The following PDCD11 variants were observed in gnomAD, a reference collection of about 807,000 sequenced individuals.
PDCD11 encodes protein RRP5 homolog.
In PDCD11, 97 loss-of-function variants were observed where a neutral mutation model predicts 198.9. That is an observed-to-expected ratio of 0.49 (90% confidence interval 0.41 to 0.58). The LOEUF is 0.58. Among genes scored for constraint, PDCD11 ranks in the 20% least tolerant of loss-of-function variants. PDCD11 has a pLI of 0.00. For synonymous variants in PDCD11, 893 were observed against 918.0 expected, an observed-to-expected ratio of 0.97 and a Z score of 0.49; for missense variants, 2,102 against 2,312.7, an observed-to-expected ratio of 0.91 and a Z score of 1.87.
chr10:103,444,317 C>T (rs1431318075), intron 34 of PDCD11, 200 bp from the exon 35 acceptor site: 1 of 630,382 alleles, frequency 1.6e-6, no homozygotes, highest in Non-Finnish European at 2.8e-6. Flanking sequence ...TCTTCTGTGC[C>T]CAGAGAGTGG....
rs372493919 is a variant in PDCD11, at chr10:103,427,315, A to T, written c.3306-14A>T. The T allele has an allele frequency of 1.2e-6, 2 of 1,608,652 alleles. No homozygotes were observed. Among genetic ancestry groups the T allele is most frequent in the African/African-American group, 2.7e-5 (2 of 74,760 alleles). On this transcript the variant is annotated splice_polypyrimidine_tract_variant and intron_variant, in intron 20 of 35. Coordinates refer to ENST00000369797, the MANE Select transcript of PDCD11 (RefSeq NM_014976.2). ...GAGATGAAGAGAAATGATTCAGCTT[A>T]TTTGTTTCTCCAGGTATCTCCCAAT... is the stretch of plus-strand genomic sequence containing the variant.
chr10:103,432,520 A>G (rs1211282711), intron 22 of PDCD11, among the ~76,000 whole-genome samples: 1 of 152,254 alleles, frequency 6.6e-6, no homozygotes, highest in Non-Finnish European at 1.5e-5. Flanking sequence ...ATATAAATGT[A>G]TATAATTTGG....
chr10:103,440,048 C>T (rs1362144534), intron 28 of PDCD11, among the ~76,000 whole-genome samples, 180 bp downstream of exon 28: 1 of 152,196 alleles, frequency 6.6e-6, no homozygotes, highest in South Asian at 2.1e-4. Flanking sequence ...CAGGTGGTAA[C>T]TTATCTCTGC....
At chr10:103,400,975 G>A (rs924750075) in intron 3 of PDCD11, among the ~76,000 whole-genome samples, 1 of 152,060 alleles carries the variant, frequency 6.6e-6, no homozygotes, top group African/African-American at 2.4e-5. Flanking sequence ...GGTTGGTCTC[G>A]AACTCCTGTG....
At chr10:103,428,313 A>G (rs1380573281) in intron 21 of PDCD11, among the ~76,000 whole-genome samples, 1 of 151,794 alleles carries the variant, frequency 6.6e-6, no homozygotes, top group Non-Finnish European at 1.5e-5. Context: ...TCAAAAGAAA[A>G]AAAAAAAACA....
intron 21 of PDCD11, among the ~76,000 whole-genome samples, chr10:103,431,824 A>G (rs1279601150): frequency 6.6e-6 from 1 of 152,216 alleles, no homozygotes; most frequent in Non-Finnish European, 1.5e-5. Flanking sequence ...AGTTTTGCAA[A>G]GTAAAGCAAC....
At chr10:103,414,724 T>C (rs1376699779) in intron 11 of PDCD11, among the ~76,000 whole-genome samples, 1 of 152,224 alleles carries the variant, frequency 6.6e-6, no homozygotes, top group East Asian at 1.9e-4. Context: ...AGTTTATTCC[T>C]TAGGAGACCT....
chr10:103,411,963 C>G (rs2030830365), intron 8 of PDCD11, among the ~76,000 whole-genome samples: 1 of 152,034 alleles, frequency 6.6e-6, no homozygotes, highest in African/African-American at 2.4e-5. Flanking sequence ...ATATAGTTTT[C>G]TGGCCTTGAG....
Position 103,413,215 on chromosome 10 carries a change from T to A in PDCD11, c.1078T>A (p.Ser360Thr), listed in dbSNP as rs1209937453. 6.2e-7 allele frequency: 1 copy of A among 1,614,202 alleles called. No homozygotes were observed. The change falls in exon 9 of 36, where the codon TCT becomes ACT. Residue 360 changes from serine (S) to threonine (T), a missense_variant. Ser to Thr is a moderately conservative substitution (Grantham distance 58, BLOSUM62 1). Coordinates refer to ENST00000369797, the MANE Select transcript of PDCD11 (RefSeq NM_014976.2). ...LQPGRPLTRL[S>T]CQNLGAVLDD... ...GCCTGGACGCCCACTCACCCGACTC[T>A]CTTGCCAGAACCTTGGAGCAGTGCT...
chr10:103,417,991 A>C, intron 14 of PDCD11, 59 bp downstream of exon 14: 2 of 1,579,050 alleles, frequency 1.3e-6, no homozygotes, highest in Non-Finnish European at 1.7e-6. Flanking sequence ...GCAGGGAACC[A>C]CTAACACATG....
chr10:103,416,393 A>G, intron 12 of PDCD11, 98 bp from the exon 13 acceptor site: 1 of 1,225,446 alleles, frequency 8.2e-7, no homozygotes, highest in Non-Finnish European at 1.2e-6. Flanking sequence ...TTCTTGGGGA[A>G]TGGCCCCGTG....
chr10:103,416,109 C>T (rs1008838250), intron 12 of PDCD11, among the ~76,000 whole-genome samples: 1 of 152,020 alleles, frequency 6.6e-6, no homozygotes, highest in African/African-American at 2.4e-5. Context: ...AGCTAATAAA[C>T]GGCAGTACTA....
Position 103,445,363 on chromosome 10 carries a change from G to A in PDCD11, c.5445-15G>A. The A allele has an allele frequency of 1.2e-6, 2 of 1,613,894 alleles. No homozygotes were observed. Among genetic ancestry groups the A allele is most frequent in the Non-Finnish European group, 1.7e-6 (2 of 1,179,862 alleles). ...GGGACTGACAGGCAAATGCCACTCT[G>A]CTTTTCCTCAACAGGGACATCTTTG... On this transcript the variant is annotated splice_polypyrimidine_tract_variant and intron_variant, in intron 35 of 35. Transcript: ENST00000369797.
At chr10:103,397,090 T>A (rs1191089882) in intron 1 of PDCD11, among the ~76,000 whole-genome samples, 2 of 151,504 alleles carry the variant, frequency 1.3e-5, no homozygotes, top group Non-Finnish European at 3.0e-5. Flanking sequence ...ACTTCTTTAG[T>A]CTAAAGCCCT....
At chr10:103,415,291 A>G (rs1327814668) in intron 12 of PDCD11, 140 bp downstream of exon 12, 4 of 797,842 alleles carry the variant, frequency 5.0e-6, no homozygotes, top group Non-Finnish European at 8.1e-6. Flanking sequence ...TTGGGAAGAG[A>G]AAAGTGAGTC....
rs550099980 is a variant in PDCD11, at chr10:103,409,374, A to G, written c.871-325A>G. 5.3e-5 allele frequency among the ~76,000 whole-genome samples: 8 copies of G among 151,846 alleles called. No homozygotes were observed. In the South Asian group the frequency reaches 1.7e-3, roughly 32 times the overall value. Reference sequence around the variant, plus strand: ...TGGGAAAATATCTAAGTTAGTAACAATCTATTCCAGTTGTCAGGCTGGCAG... The same window carrying G: ...TGGGAAAATATCTAAGTTAGTAACAGTCTATTCCAGTTGTCAGGCTGGCAG... On this transcript the variant is annotated intron_variant, in intron 7 of 35. Coordinates refer to ENST00000369797, the MANE Select transcript of PDCD11 (RefSeq NM_014976.2).
At chr10:103,434,382 A>G (rs2032062666) in intron 24 of PDCD11, 32 bp downstream of exon 24, 1 of 1,391,810 alleles carries the variant, frequency 7.2e-7, no homozygotes, top group East Asian at 2.3e-5. Context: ...TGGTCGGGGA[A>G]GGGGAGCGGC....
At chr10:103,442,010 G>A in intron 31 of PDCD11, 35 bp downstream of exon 31, 1 of 1,611,412 alleles carries the variant, frequency 6.2e-7, no homozygotes, top group Non-Finnish European at 8.5e-7. Context: ...CTTTTTGCAG[G>A]GACCCCTTGG....
chr10:103,410,884 G>T (rs1196939725), intron 8 of PDCD11, among the ~76,000 whole-genome samples: 1 of 151,652 alleles, frequency 6.6e-6, no homozygotes, highest in African/African-American at 2.4e-5. Flanking sequence ...AACCAGCCTG[G>T]CCAGCATGGT....
Sources: allele counts gnomAD v4.1 joint callset (sites outside exome capture counted in the v4.1 genomes callset), GRCh38; gene constraint gnomAD v4.1.1; transcripts MANE v1.5; gene names NCBI Gene and HGNC (gene_info 2026-07-23, HGNC 2026-07-21).